Variants in SHROOM4 observed in about 807,000 individuals in gnomAD.
SHROOM4 encodes the protein shroom family member 4.
SHROOM4 carries 17 observed loss-of-function variants against 80.3 expected under a neutral mutation model. The observed-to-expected ratio is 0.21, with a 90% CI of 0.14 to 0.32. The LOEUF is 0.32. Ranked by LOEUF, SHROOM4 falls within the 10% of genes least tolerant of loss-of-function variation. SHROOM4 has a pLI of 1.00. For synonymous variants in SHROOM4, 400 were observed against 437.5 expected, an observed-to-expected ratio of 0.91 and a Z score of 1.07; for missense variants, 993 against 1,140.3, an observed-to-expected ratio of 0.87 and a Z score of 1.86.
chrX:50,729,557 A>G (rs1557266137), intron 1 of SHROOM4, among the ~76,000 whole-genome samples: 2 of 111,808 alleles, frequency 1.8e-5, no homozygotes, highest in African/African-American at 6.5e-5. Context: ...GAGAGGAAAT[A>G]AAGAGACTCA....
intron 2 of SHROOM4, among the ~76,000 whole-genome samples, chrX:50,694,846 A>G (rs1207187305): frequency 9.2e-6 from 1 of 108,281 alleles, no homozygotes; most frequent in African/African-American, 3.4e-5. Flanking sequence ...AGTATGAACA[A>G]AAGGAGAAAG....
chrX:50,632,135 T>C (rs1294895428), intron 4 of SHROOM4, among the ~76,000 whole-genome samples: 1 of 111,530 alleles, frequency 9.0e-6, no homozygotes, highest in African/African-American at 3.3e-5. Flanking sequence ...CCTCTGCCCT[T>C]TTCCAGTCAA....
intron 1 of SHROOM4, among the ~76,000 whole-genome samples, chrX:50,718,956 G>A (rs1320353159): frequency 9.0e-6 from 1 of 111,650 alleles, no homozygotes; most frequent in African/African-American, 3.3e-5. Flanking sequence ...CTGGCAGGCT[G>A]TAATTATGGC....
chrX:50,722,031 T>C (rs1480096017), intron 1 of SHROOM4, among the ~76,000 whole-genome samples: 7 of 110,935 alleles, frequency 6.3e-5, no homozygotes, highest in African/African-American at 2.3e-4. Context: ...ATTCCCCACA[T>C]TGCATGGCAA....
At chrX:50,788,992 T>C (rs1935804245) in intron 1 of SHROOM4, among the ~76,000 whole-genome samples, 1 of 111,704 alleles carries the variant, frequency 9.0e-6, no homozygotes, top group Non-Finnish European at 1.9e-5. Flanking sequence ...GTACACAACA[T>C]TAAACCACCG....
At chrX:50,741,741 T>C (rs1351127915) in intron 1 of SHROOM4, among the ~76,000 whole-genome samples, 2 of 110,955 alleles carry the variant, frequency 1.8e-5, no homozygotes, top group Admixed American at 9.7e-5. Context: ...GGGATTTTAA[T>C]AGATGCTCTT....
intron 1 of SHROOM4, among the ~76,000 whole-genome samples, chrX:50,737,804 G>GATT (rs1362669239): frequency 1.8e-5 from 2 of 111,868 alleles, no homozygotes; most frequent in African/African-American, 6.5e-5. Context: ...TAGAAAAAGA[G>GATT]GGAATCCTCC....
At position 50,590,772 on chromosome X, in the gene SHROOM4, T is replaced by C. The variant is rs1196228204; in HGVS notation, c.*5923A>G. Among the ~76,000 whole-genome samples the C allele has an allele frequency of 2.7e-5, 3 of 112,550 alleles. No individual in the cohort carries two copies. In the Admixed American group the frequency reaches 2.8e-4, roughly 11 times the overall value. On this transcript the variant is annotated 3_prime_UTR_variant, in exon 9 of 9. Coordinates refer to ENST00000376020, the MANE Select transcript of SHROOM4 (RefSeq NM_020717.5). ...AAAACACATATTTTCTTTGAAGAAA[T>C]GTCTATTACAATCTGTTAACCCATT...
At chrX:50,655,198 C>T (rs1932259067) in intron 2 of SHROOM4, among the ~76,000 whole-genome samples, 1 of 109,731 alleles carries the variant, frequency 9.1e-6, no homozygotes, top group African/African-American at 3.3e-5. Context: ...CATTGATGGG[C>T]ACCTAGGTTG....
chrX:50,807,906 G>A (rs974306119), intron 1 of SHROOM4, among the ~76,000 whole-genome samples: 1 of 111,559 alleles, frequency 9.0e-6, no homozygotes, highest in Admixed American at 9.5e-5. Context: ...TGACATGGCC[G>A]CCAGAAAGAG....
intron 1 of SHROOM4, among the ~76,000 whole-genome samples, chrX:50,718,746 T>C (rs1342488317): frequency 9.0e-6 from 1 of 111,550 alleles, no homozygotes; most frequent in Middle Eastern, 4.2e-3. Flanking sequence ...CCAAGGAAGA[T>C]GGATGATGTC....
chrX:50,590,249 TC>T lies in SHROOM4; in HGVS notation c.*6445del, dbSNP rs1191920455. Among the ~76,000 whole-genome samples the T allele has an allele frequency of 2.7e-5, 3 of 110,294 alleles. No individual in the cohort carries two copies. The highest frequency in any genetic ancestry group is 5.7e-5 in the Non-Finnish European group (3 of 52,810). ...CTTATAAGAAGGGGAAGAGACCAGA[TC>T]CCTTTCTTTTTTTTGAGACAGAATC... On this transcript the variant is annotated 3_prime_UTR_variant, in exon 9 of 9. Transcript: ENST00000376020.
chrX:50,599,008 T>TTGTGTGTG (rs57494031), intron 7 of SHROOM4, among the ~76,000 whole-genome samples: 2,180 of 98,764 alleles, frequency 0.022, 25 homozygotes, highest in East Asian at 0.057. Context: ...GTGTGTGTGT[T>TTGTGTGTG]TGTGTGTGTG....
At chrX:50,652,532 T>G (rs1932140529) in intron 2 of SHROOM4, among the ~76,000 whole-genome samples, 1 of 112,056 alleles carries the variant, frequency 8.9e-6, no homozygotes. Flanking sequence ...GCCTGTTCAC[T>G]CTGATGATAG....
chrX:50,778,205 A>G (rs782071742), intron 1 of SHROOM4, among the ~76,000 whole-genome samples: 7 of 112,298 alleles, frequency 6.2e-5, no homozygotes, highest in Non-Finnish European at 1.3e-4. Context: ...TACCCTTCAC[A>G]TATCACACTA....
At chrX:50,627,331 A>C (rs967981110) in intron 5 of SHROOM4, among the ~76,000 whole-genome samples, 2 of 111,644 alleles carry the variant, frequency 1.8e-5, no homozygotes, top group Non-Finnish European at 3.8e-5. Flanking sequence ...GGTACAGAGA[A>C]TAAAGCTATG....
At chrX:50,738,330 G>C (rs1213591303) in intron 1 of SHROOM4, among the ~76,000 whole-genome samples, 1 of 110,929 alleles carries the variant, frequency 9.0e-6, no homozygotes, top group African/African-American at 3.3e-5. Flanking sequence ...TCTGGCCCGG[G>C]CAATCACGCA....
chrX:50,635,875 G>A (rs1931335872), intron 3 of SHROOM4, among the ~76,000 whole-genome samples: 1 of 109,992 alleles, frequency 9.1e-6, no homozygotes, highest in African/African-American at 3.3e-5. Context: ...ATGATATATG[G>A]AAAAAAGATG....
At chrX:50,776,982 C>T (rs1362415164) in intron 1 of SHROOM4, among the ~76,000 whole-genome samples, 2 of 111,602 alleles carry the variant, frequency 1.8e-5, no homozygotes, top group South Asian at 3.8e-4. Context: ...GCCACCGCAC[C>T]GGCCTCTCTA....
Sources: allele counts gnomAD v4.1 joint callset (sites outside exome capture counted in the v4.1 genomes callset), GRCh38; gene constraint gnomAD v4.1.1; transcripts MANE v1.5; gene names NCBI Gene and HGNC (gene_info 2026-07-23, HGNC 2026-07-21).